NDST4: variants seen among roughly 807,000 people sequenced by gnomAD.
NDST4 encodes N-heparan sulfate sulfotransferase 4.
In NDST4, 63 loss-of-function variants were observed where a neutral mutation model predicts 100.8. The ratio of observed to expected loss-of-function variants is 0.62; its 90% confidence interval spans 0.51 to 0.77. The LOEUF (loss-of-function observed/expected upper bound fraction) is 0.77, where lower values mean the gene tolerates loss of function less well. Ranked by LOEUF, NDST4 falls within the 30% of genes least tolerant of loss-of-function variation. The pLI is 0.00. For missense variants in NDST4, 943 were observed against 1,018.4 expected, an observed-to-expected ratio of 0.93 and a Z score of 1.01; for synonymous variants, 377 against 361.8, an observed-to-expected ratio of 1.04 and a Z score of -0.48.
intron 7 of NDST4, among the ~76,000 whole-genome samples, chr4:114,868,226 T>C (rs188813084): frequency 1.9e-4 from 29 of 152,274 alleles, no homozygotes; most frequent in Admixed American, 1.7e-3. Flanking sequence ...TGACACTTTG[T>C]AACAATAACA....
At chr4:114,839,249 A>G in intron 11 of NDST4, 129 bp downstream of exon 11, 1 of 758,618 alleles carries the variant, frequency 1.3e-6, no homozygotes, top group South Asian at 3.2e-5. Context: ...GTTAATTCCC[A>G]TTTTCTGCTT....
chr4:114,970,696 C>T (rs1276348283), intron 3 of NDST4, 112 bp from the exon 4 acceptor site: 4 of 886,564 alleles, frequency 4.5e-6, no homozygotes, highest in Non-Finnish European at 6.7e-6. Flanking sequence ...ATATCCAATT[C>T]TGTGGGCTTT....
At chr4:114,995,972 T>C (rs1049707147) in intron 2 of NDST4, among the ~76,000 whole-genome samples, 2 of 152,102 alleles carry the variant, frequency 1.3e-5, no homozygotes, top group African/African-American at 4.8e-5. Context: ...GCATATAGTA[T>C]TTATATTCAT....
chr4:114,909,431 C>A (rs1006344689), intron 6 of NDST4, among the ~76,000 whole-genome samples: 2 of 151,414 alleles, frequency 1.3e-5, no homozygotes, highest in African/African-American at 4.9e-5. Context: ...GAGGCCGAGG[C>A]GGGTGGATCA....
chr4:114,947,647 T>C (rs1179046527), intron 4 of NDST4, among the ~76,000 whole-genome samples: 1 of 151,494 alleles, frequency 6.6e-6, no homozygotes, highest in Non-Finnish European at 1.5e-5. Flanking sequence ...ATCATTTCTA[T>C]AGTACTGTAG....
At chr4:115,064,971 A>C (rs1728914459) in intron 2 of NDST4, among the ~76,000 whole-genome samples, 1 of 152,102 alleles carries the variant, frequency 6.6e-6, no homozygotes, top group Admixed American at 6.6e-5. Context: ...AAATTATGAG[A>C]CCATAAATCA....
At position 115,058,956 on chromosome 4, in the gene NDST4, A is replaced by G. The variant is rs140866228; in HGVS notation, c.978+17103T>C. On this transcript the variant is annotated intron_variant, in intron 2 of 13. Coordinates refer to ENST00000264363, the MANE Select transcript of NDST4 (RefSeq NM_022569.3). ...GAGTCAGAATAGATGGGAATAGCTG[A>G]AACTGTGGAAAGAGTTCTGAAGCTA... Among the ~76,000 whole-genome samples, 64 of 150,162 alleles carry G rather than the reference A, an allele frequency of 4.3e-4. 3 individuals carry two copies. The East Asian group carries it at 0.012, about 29-fold the overall frequency.
chr4:115,072,864 C>G (rs1729105540), intron 2 of NDST4, among the ~76,000 whole-genome samples: 1 of 151,746 alleles, frequency 6.6e-6, no homozygotes, highest in African/African-American at 2.4e-5. Context: ...TTTTATACAG[C>G]AATGGAAGCA....
At chr4:114,930,716 G>C (rs1725494059) in intron 6 of NDST4, among the ~76,000 whole-genome samples, 1 of 152,012 alleles carries the variant, frequency 6.6e-6, no homozygotes, top group African/African-American at 2.4e-5. Flanking sequence ...TGTATACACT[G>C]GGACATGATG....
intron 6 of NDST4, among the ~76,000 whole-genome samples, chr4:114,909,464 T>A (rs1725018542): frequency 6.6e-6 from 1 of 150,856 alleles, no homozygotes; most frequent in Non-Finnish European, 1.5e-5. Flanking sequence ...ATCGAGACCA[T>A]CCTGGCTAAC....
Position 114,919,002 on chromosome 4 carries a change from A to G in NDST4, c.1536+16204T>C, listed in dbSNP as rs546864879. ...TTTTGTTAACAAATACTTCAGGTAT[A>G]TGCTGTTTCCATAAAAATTGTAAAG... is the stretch of plus-strand genomic sequence containing the variant. On this transcript the variant is annotated intron_variant, in intron 6 of 13. Coordinates refer to ENST00000264363, the MANE Select transcript of NDST4 (RefSeq NM_022569.3). Among the ~76,000 whole-genome samples the G allele has an allele frequency of 3.1e-3, 470 of 152,300 alleles. 3 individuals carry two copies. The highest frequency in any genetic ancestry group is 0.011 in the African/African-American group (463 of 41,548).
At chr4:115,033,123 ATATATG>A (rs1211692087) in intron 2 of NDST4, among the ~76,000 whole-genome samples, 1,819 of 102,836 alleles carry the variant, frequency 0.018, 46 homozygotes, top group African/African-American at 0.078. Context: ...AAAATTATAT[ATATATG>A]TGTATATATA....
At chr4:114,979,312 A>T (rs1278676762) in intron 2 of NDST4, among the ~76,000 whole-genome samples, 2 of 151,052 alleles carry the variant, frequency 1.3e-5, no homozygotes, top group African/African-American at 4.9e-5. Flanking sequence ...TATTGCATCC[A>T]TGCTCTATCT....
chr4:114,942,131 A>G (rs1725764077), intron 4 of NDST4, among the ~76,000 whole-genome samples: 1 of 152,240 alleles, frequency 6.6e-6, no homozygotes, highest in Non-Finnish European at 1.5e-5. Flanking sequence ...AATACTGTAT[A>G]GAAAATAAAT....
intron 6 of NDST4, among the ~76,000 whole-genome samples, chr4:114,877,115 G>A (rs930528880): frequency 1.3e-5 from 2 of 152,056 alleles, no homozygotes; most frequent in Non-Finnish European, 2.9e-5. Context: ...CCTGGGCATA[G>A]GAATTCAGAA....
intron 4 of NDST4, among the ~76,000 whole-genome samples, chr4:114,958,615 C>T (rs536622385): frequency 2.3e-4 from 35 of 152,268 alleles, no homozygotes; most frequent in African/African-American, 7.9e-4. Flanking sequence ...CTGCACAAAG[C>T]AGCAAGGCCC....
At chr4:115,016,864 C>T (rs1312792575) in intron 2 of NDST4, among the ~76,000 whole-genome samples, 1 of 151,800 alleles carries the variant, frequency 6.6e-6, no homozygotes, top group East Asian at 1.9e-4. Context: ...TTGCTGAAGG[C>T]AAAAAGTATA....
At chr4:114,932,861 T>C (rs970079940) in intron 6 of NDST4, among the ~76,000 whole-genome samples, 8 of 152,040 alleles carry the variant, frequency 5.3e-5, no homozygotes, top group African/African-American at 1.7e-4. Flanking sequence ...ACTTCATGGA[T>C]TGAGCGAATT....
At chr4:115,081,099 TA>T (rs34184149) in intron 1 of NDST4, among the ~76,000 whole-genome samples, 69 of 148,944 alleles carry the variant, frequency 4.6e-4, no homozygotes, top group Admixed American at 1.7e-3. Flanking sequence ...AAAAATAAAT[TA>T]AAAAAAAAAC....
Sources: allele counts gnomAD v4.1 joint callset (sites outside exome capture counted in the v4.1 genomes callset), GRCh38; gene constraint gnomAD v4.1.1; transcripts MANE v1.5; gene names NCBI Gene and HGNC (gene_info 2026-07-23, HGNC 2026-07-21).